Variants in CDH24 observed in about 807,000 individuals in gnomAD.
CDH24 encodes the protein cadherin 24.
In CDH24, 61 loss-of-function variants were observed where a neutral mutation model predicts 71.2. The ratio of observed to expected loss-of-function variants is 0.86; its 90% CI spans 0.70 to 1.06. The LOEUF (loss-of-function observed/expected upper bound fraction) is 1.06, where lower values mean the gene tolerates loss of function less well. Among genes scored for constraint, CDH24 ranks in the 50% least tolerant of loss-of-function variants. CDH24 has a pLI of 0.00. For synonymous variants in CDH24, 440 were observed against 470.2 expected (o/e 0.94, Z 0.83); for missense variants, 961 against 1,083.7 (o/e 0.89, Z 1.59).
In CDH24 at chr14:23,049,875, G is replaced by A. The variant is rs1283337731; in HGVS notation, c.1432C>T (p.Gln478Ter). The A allele has an allele frequency of 3.1e-6, 5 of 1,613,944 alleles. No homozygotes were observed. Among genetic ancestry groups the A allele is most frequent in the Non-Finnish European group, 4.2e-6 (5 of 1,180,010 alleles). The change falls in exon 9 of 13, where the codon CAG becomes TAG. Residue 478 changes from glutamine (Q) to a stop codon, truncating the protein, a stop_gained. Coordinates refer to ENST00000487137, the MANE Select transcript of CDH24 (RefSeq NM_144985.4). LOFTEE classifies it high-confidence loss of function. ...AAAGTATCGTAGGGCTCAGCCAGCT[G>A]GGGAGCATTGTCATTCTCATCCAGG... ...QTLDENDNAP[Q>*]LAEPYDTFVC...
chr14:23,049,232 G>C lies in CDH24; in HGVS notation c.1641C>G (p.Pro547=). Residue 547 remains proline, a synonymous_variant, in exon 11 of 13, where the codon CCC becomes CCG. Coordinates refer to ENST00000487137, the MANE Select transcript of CDH24 (RefSeq NM_144985.4). ...SLLLPSRPAP[P]RHAPYLVPIE... ...TGGGAACCAAGTAGGGGGCATGGCGGGGTGGAGCAGGGCGGGAGGGCAGCA... is the reference window on the plus strand; with the variant it reads ...TGGGAACCAAGTAGGGGGCATGGCGCGGTGGAGCAGGGCGGGAGGGCAGCA... 1 of 1,575,380 alleles carries C rather than the reference G, an allele frequency of 6.3e-7. No individual in the cohort carries two copies. Among genetic ancestry groups the C allele is most frequent in the African/African-American group, 1.3e-5 (1 of 74,494 alleles).
chr14:23,053,505 C>T lies in CDH24; in HGVS notation c.1217G>A (p.Ser406Asn), dbSNP rs1237985783. ...ISAADLDSPA[S>N]PIRYSILPHS... ...ATCCCAGCTCACCTACCTGATTGGG[C>T]TGGCAGGGGAGTCCAGGTCAGCCGC... is the stretch of plus-strand genomic sequence containing the variant. The change falls in exon 7 of 13, where the codon AGC becomes AAC. Residue 406 changes from serine to asparagine, a missense_variant. Transcript: ENST00000487137. 6.4e-7 allele frequency: 1 copy of T among 1,574,646 alleles called. No homozygotes were observed. The highest frequency in any genetic ancestry group is 8.7e-7 in the Non-Finnish European group (1 of 1,153,250).
Position 23,048,176 on chromosome 14 carries a change from G to C in CDH24, c.2150C>G (p.Pro717Arg), listed in dbSNP as rs556244988. The change falls in exon 12 of 13, where the codon CCC becomes CGC. Residue 717 changes from proline (P) to arginine (R), a missense_variant. Pro to Arg is a moderately radical substitution (Grantham distance 103). Around this residue, in one of 2 missense-constraint regions of CDH24, gnomAD observed 290 missense variants for 272.8 expected, o/e 1.06. Transcript: ENST00000487137. ...ALRLREADED[P>R]GVPPYDSVQV... ...CACCGAGTCGTACGGGGGTACGCCGGGGTCCTCGTCCGCCTCGCGGAGCCG... is the reference window on the plus strand; with the variant it reads ...CACCGAGTCGTACGGGGGTACGCCGCGGTCCTCGTCCGCCTCGCGGAGCCG... 5.2e-6 allele frequency: 7 copies of C among 1,351,324 alleles called. No homozygotes were observed. The highest frequency in any genetic ancestry group is 6.7e-6 in the Non-Finnish European group (7 of 1,048,106). 83.7% of individuals were successfully genotyped at this position (1,351,324 alleles called of 1,614,324 possible).
intron 10 of CDH24, 22 bp downstream of exon 10, chr14:23,049,593 GCAGGTATGGACA>G: frequency 1.6e-6 from 2 of 1,238,588 alleles, no homozygotes; most frequent in Non-Finnish European, 2.3e-6. Context: ...GGGGACAGAG[GCAGGTATGGACA>G]TGGCTGTAGG....
intron 8 of CDH24, chr14:23,052,148 G>A (rs1226685810): frequency 1.1e-6 from 1 of 949,056 alleles, no homozygotes; most frequent in African/African-American, 1.6e-5. Context: ...GTAAGGTCTA[G>A]TTTATTTCTG....
chr14:23,048,266 C>G lies in CDH24; in HGVS notation c.2060G>C (p.Arg687Pro). The G allele has an allele frequency of 1.3e-6, 2 of 1,494,390 alleles. No individual in the cohort carries two copies. Among genetic ancestry groups the G allele is most frequent in the Non-Finnish European group, 1.8e-6 (2 of 1,131,436 alleles). 92.6% of individuals were successfully genotyped at this position (1,494,390 alleles called of 1,614,324 possible). Residue 687 changes from arginine (R) to proline (P), a missense_variant, in exon 12 of 13, where the codon CGG (arginine) becomes CCG (proline). This residue lies in a region of CDH24 where 290 missense variants were observed against 272.8 expected (regional missense o/e 1.06). Coordinates refer to ENST00000487137, the MANE Select transcript of CDH24 (RefSeq NM_144985.4). ...TCTGGGCTGGCGCGACACCCGGGCC[C>G]GGGGCAACACGTCTCGGCGCGCGGG... is the stretch of plus-strand genomic sequence containing the variant. ...GPPARRDVLPRARVSRQPRPP... is the reference protein window; with the variant it reads ...GPPARRDVLPPARVSRQPRPP...
intron 8 of CDH24, chr14:23,052,174 G>T: frequency 1.2e-6 from 1 of 812,742 alleles, no homozygotes. Flanking sequence ...GGGCAAGTCA[G>T]GTAAGGGAAT....
rs537033704 is a variant in CDH24 at position 23,055,997 on chromosome 14, T to G, written c.-124-140A>C. 8.9e-6 allele frequency: 4 copies of G among 449,094 alleles called. No homozygotes were observed. Among genetic ancestry groups the G allele is most frequent in the African/African-American group, 7.8e-5 (4 of 51,554 alleles). The allele number at this position is 449,094 out of a possible 1,614,324, so 27.8% of individuals were successfully genotyped here. ...AGACTAAGACAGAGAGCAGAGAGGCTGATCCTTCCTCCACCCAGGCTCTGC... is the reference window on the plus strand; with the variant it reads ...AGACTAAGACAGAGAGCAGAGAGGCGGATCCTTCCTCCACCCAGGCTCTGC... On this transcript the variant is annotated intron_variant, in intron 1 of 12. Coordinates refer to ENST00000487137, the MANE Select transcript of CDH24 (RefSeq NM_144985.4). This position sits in a 1 kb window ranked among gnomAD's most constrained non-coding sequence, Gnocchi z 4.1.
chr14:23,048,160 G>T lies in CDH24; in HGVS notation c.2166C>A (p.Tyr722Ter), dbSNP rs1400076748. The T allele has an allele frequency of 2.1e-5, 29 of 1,363,110 alleles. No homozygotes were observed. The highest frequency in any genetic ancestry group is 2.7e-5 in the Non-Finnish European group (29 of 1,055,888). The allele number at this position is 1,363,110 out of a possible 1,614,324, so 84.4% of individuals were successfully genotyped here. A position where few individuals can be genotyped will look rare whatever the true frequency, so the allele number is the denominator to read the frequency against. ...EADEDPGVPP[Y>*]DSVQVYGYEG... ...CGTAGCCGTACACCTGCACCGAGTC[G>T]TACGGGGGTACGCCGGGGTCCTCGT... Residue 722 changes from tyrosine (Y) to a stop codon, truncating the protein, a stop_gained, in exon 12 of 13, where the codon TAC becomes TAA. Coordinates refer to ENST00000487137, the MANE Select transcript of CDH24 (RefSeq NM_144985.4). LOFTEE classifies it high-confidence loss of function.
At chr14:23,050,129 A>G (rs1321832431) in intron 8 of CDH24, 186 bp from the exon 9 acceptor site, 1 of 763,150 alleles carries the variant, frequency 1.3e-6, no homozygotes, top group Non-Finnish European at 2.0e-6. Flanking sequence ...CCAAGTGCAT[A>G]CAATATTCAT....
Position 23,054,613 on chromosome 14 carries a change from ACCACCAAGAACT to A in CDH24, c.665_676del (p.Glu222_Val225del). The A allele has an allele frequency of 6.2e-7, 1 of 1,613,990 alleles. No homozygotes were observed. The highest frequency in any genetic ancestry group is 8.5e-7 in the Non-Finnish European group (1 of 1,179,974). On this transcript the variant is annotated inframe_deletion, in exon 5 of 13. Transcript: ENST00000487137. This position sits in a 1 kb window ranked among gnomAD's most constrained non-coding sequence, Gnocchi z 5.2. The stretch of plus-strand genomic sequence containing the variant: ...GCCGCCCATGTCCTTGGCCTGGATC[ACCACCAAGAACT>A]CCTCCTGTGTCTCCCGGTCCATGTT...
chr14:23,047,888 G>T lies in CDH24; in HGVS notation c.*92C>A. 1 of 1,037,320 alleles carries T rather than the reference G, an allele frequency of 9.6e-7. No individual in the cohort carries two copies. Among genetic ancestry groups the T allele is most frequent in the Non-Finnish European group, 1.2e-6 (1 of 806,086 alleles). 64.3% of individuals were successfully genotyped at this position (1,037,320 alleles called of 1,614,324 possible). On this transcript the variant is annotated 3_prime_UTR_variant, in exon 12 of 13. Coordinates refer to ENST00000487137, the MANE Select transcript of CDH24 (RefSeq NM_144985.4). ...CAGGGAGGAGGCCTGGGGCCCCTGG[G>T]CTGCTGCCGCCCGCCTGGACCCCGT...
Position 23,054,757 on chromosome 14 carries a change from G to A in CDH24, c.606C>T (p.Asp202=), listed in dbSNP as rs547547279. The change falls in exon 4 of 13, where the codon GAC becomes GAT. Residue 202 remains aspartate (D), a synonymous_variant. Coordinates refer to ENST00000487137, the MANE Select transcript of CDH24 (RefSeq NM_144985.4). This position sits in a 1 kb window ranked among gnomAD's most constrained non-coding sequence, Gnocchi z 5.2. ...AGGCTCCATCCTCACCAGTCTGGGGGTCCACAGAGAAGAAAGGCAGTCCAT... is the reference window on the plus strand; with the variant it reads ...AGGCTCCATCCTCACCAGTCTGGGGATCCACAGAGAAGAAAGGCAGTCCAT... ...VLDGLPFFSV[D]PQTGVVRTAI... 6.2e-7 allele frequency: 1 copy of A among 1,614,114 alleles called. No individual in the cohort carries two copies. The highest frequency in any genetic ancestry group is 2.2e-5 in the East Asian group (1 of 44,884).
chr14:23,049,187 C>T lies in CDH24; in HGVS notation c.1686G>A (p.Gly562=), dbSNP rs748923700. The T allele has an allele frequency of 3.6e-5, 56 of 1,575,566 alleles. No homozygotes were observed. Among genetic ancestry groups the T allele is most frequent in the Non-Finnish European group, 4.6e-5 (53 of 1,160,386 alleles). Residue 562 remains glycine, a synonymous_variant, in exon 11 of 13, where the codon GGG becomes GGA. Coordinates refer to ENST00000487137, the MANE Select transcript of CDH24 (RefSeq NM_144985.4). ...TGGCAGTGCTGCTCAGCGCCGGCTGCCCCCAGTCCCACAGTTCTATGGGAA... is the reference window on the plus strand; with the variant it reads ...TGGCAGTGCTGCTCAGCGCCGGCTGTCCCCAGTCCCACAGTTCTATGGGAA... ...YLVPIELWDW[G]QPALSSTATV...
At position 23,047,874 on chromosome 14, in the gene CDH24, CCTGGGGCCCCTGGG is replaced by C; in HGVS notation, c.*92_*105del. ...GAGGGACACAAGGACAGGGAGGAGG[CCTGGGGCCCCTGGG>C]CTGCTGCCGCCCGCCTGGACCCCGT... On this transcript the variant is annotated 3_prime_UTR_variant, in exon 12 of 13. Transcript: ENST00000487137. The C allele has an allele frequency of 1.2e-6, 1 of 836,034 alleles. No homozygotes were observed. Among genetic ancestry groups the C allele is most frequent in the Non-Finnish European group, 1.6e-6 (1 of 623,236 alleles). The allele number at this position is 836,034 out of a possible 1,614,324, so 51.8% of individuals were successfully genotyped here.
In CDH24 at chr14:23,047,386, G is replaced by C. The variant is rs988238054; in HGVS notation, c.*520-12C>G. The C allele has an allele frequency of 6.5e-6, 1 of 152,718 alleles. No individual in the cohort carries two copies. The highest frequency in any genetic ancestry group is 1.5e-5 in the Non-Finnish European group (1 of 68,414). The allele number at this position is 152,718 out of a possible 1,614,324, so 9.5% of individuals were successfully genotyped here. On this transcript the variant is annotated splice_polypyrimidine_tract_variant and intron_variant, in intron 12 of 12. Coordinates refer to ENST00000487137, the MANE Select transcript of CDH24 (RefSeq NM_144985.4). Reference sequence around the variant, plus strand: ...CCATGCAGGCAGGTCTGTAAGGACAGGGGAGCCACGTTAGAGGCAGTGGGG... The same window carrying C: ...CCATGCAGGCAGGTCTGTAAGGACACGGGAGCCACGTTAGAGGCAGTGGGG...
rs1205846407 is a variant in CDH24, at chr14:23,055,937, C to T, written c.-124-80G>A. ...CAAAATTAGATGCTGAAGACCAGACCTCCAAGGAACCAGACACTCCACTGC... is the reference window on the plus strand; with the variant it reads ...CAAAATTAGATGCTGAAGACCAGACTTCCAAGGAACCAGACACTCCACTGC... On this transcript the variant is annotated intron_variant, in intron 1 of 12. Transcript: ENST00000487137. The surrounding 1 kb of genome is among the most constrained non-coding windows in gnomAD (Gnocchi z 4.1). 1 of 567,002 alleles carries T rather than the reference C, an allele frequency of 1.8e-6. No homozygotes were observed. The allele number at this position is 567,002 out of a possible 1,614,324, so 35.1% of individuals were successfully genotyped here. A position where few individuals can be genotyped will look rare whatever the true frequency, so the allele number is the denominator to read the frequency against.
At position 23,048,304 on chromosome 14, in the gene CDH24, CG is replaced by C. The variant is rs752398646; in HGVS notation, c.2021del (p.Pro674ArgfsTer129). The C allele has an allele frequency of 3.4e-5, 55 of 1,597,980 alleles. No homozygotes were observed. The highest frequency in any genetic ancestry group is 2.3e-4 in the South Asian group (21 of 89,882). ...ALQNPDGAAP[P>X]APGPPARRDV... ...CTCGGCGCGCGGGAGGGCCGGGCGCCGGGGGGGCCGCCCCGTCCGGGTTCTG... is the reference window on the plus strand; with the variant it reads ...CTCGGCGCGCGGGAGGGCCGGGCGCCGGGGGGCCGCCCCGTCCGGGTTCTG... On this transcript the variant is annotated frameshift_variant, in exon 12 of 13. Transcript: ENST00000487137. LOFTEE classifies it high-confidence loss of function.
Position 23,048,220 on chromosome 14 carries a change from C to T in CDH24, c.2106G>A (p.Val702=), listed in dbSNP as rs1277002025. ...RQPRPPGPAD[V]AQLLALRLRE... The stretch of plus-strand genomic sequence containing the variant: ...GGAGCCGCAGCGCCAGGAGCTGCGC[C>T]ACGTCGGCGGGGCCGGGGGGTCTGG... Residue 702 remains valine (V), a synonymous_variant, in exon 12 of 13, where the codon GTG becomes GTA. Coordinates refer to ENST00000487137, the MANE Select transcript of CDH24 (RefSeq NM_144985.4). 2.3e-6 allele frequency: 3 copies of T among 1,311,068 alleles called. No homozygotes were observed. Among genetic ancestry groups the T allele is most frequent in the Admixed American group, 4.0e-5 (1 of 25,230 alleles). 81.2% of individuals were successfully genotyped at this position (1,311,068 alleles called of 1,614,324 possible). A position where few individuals can be genotyped will look rare whatever the true frequency, so the allele number is the denominator to read the frequency against.
Sources: gnomAD v4.1 joint callset for allele counts on GRCh38, gnomAD v4.1.1 for gene constraint, gnomAD v4.1.1 regional missense constraint, Gnocchi (gnomAD v3.1) non-coding constraint, MANE v1.5 for transcripts, NCBI Gene and HGNC (gene_info 2026-07-23, HGNC 2026-07-21) for gene names.